PCNT: variants seen among roughly 807,000 people sequenced by gnomAD.
PCNT encodes pericentrin.
PCNT carries 319 observed loss-of-function variants against 380.4 expected under a neutral mutation model. That is an observed-to-expected ratio of 0.84 (90% CI 0.77 to 0.92). The LOEUF (loss-of-function observed/expected upper bound fraction) is 0.92, where lower values mean the gene tolerates loss of function less well. PCNT is among the 40% of genes least tolerant of loss of function. The pLI is 0.00. For missense variants in PCNT, 4,400 were observed against 4,255.3 expected (o/e 1.03, Z -0.95); for synonymous variants, 1,845 against 1,735.2 (o/e 1.06, Z -1.57).
At chr21:46,413,194 C>T (rs1418438501) in intron 29 of PCNT, among the ~76,000 whole-genome samples, 255 of 111,714 alleles carry the variant, frequency 2.3e-3, no homozygotes, top group African/African-American at 3.1e-3. Context: ...GGGGAAGGCA[C>T]GAGGCCCACC....
At chr21:46,378,924 A>C (rs796433753) in intron 15 of PCNT, among the ~76,000 whole-genome samples, 20 of 152,154 alleles carry the variant, frequency 1.3e-4, no homozygotes, top group African/African-American at 4.6e-4. Flanking sequence ...AACCAGGAGG[A>C]AGAAGAATTG....
intron 31 of PCNT, among the ~76,000 whole-genome samples, chr21:46,418,862 G>A (rs935386933): frequency 6.6e-6 from 1 of 152,238 alleles, no homozygotes; most frequent in Non-Finnish European, 1.5e-5. Context: ...GCGTCTCCCC[G>A]GACCTCGTGG....
intron 20 of PCNT, 98 bp from the exon 21 acceptor site, chr21:46,391,066 T>C: frequency 7.9e-7 from 1 of 1,265,712 alleles, no homozygotes; most frequent in Non-Finnish European, 1.1e-6. Flanking sequence ...TTAGCTCTGC[T>C]GCTCTCAGGG....
intron 40 of PCNT, among the ~76,000 whole-genome samples, chr21:46,437,945 G>A (rs1424211238): frequency 2.6e-5 from 4 of 152,324 alleles, no homozygotes; most frequent in South Asian, 2.1e-4. Flanking sequence ...AACCAAACGG[G>A]CTATGCTTTG....
At chr21:46,421,797 A>G (rs1450001144) in intron 31 of PCNT, among the ~76,000 whole-genome samples, 173 bp from the exon 32 acceptor site, 2 of 152,186 alleles carry the variant, frequency 1.3e-5, no homozygotes, top group African/African-American at 2.4e-5. Flanking sequence ...CACCAGGGTT[A>G]TGTTTTTATG....
intron 17 of PCNT, among the ~76,000 whole-genome samples, chr21:46,386,520 C>G (rs998551682): frequency 2.0e-5 from 3 of 152,246 alleles, no homozygotes; most frequent in Non-Finnish European, 4.4e-5. Flanking sequence ...GCTGAGCGCC[C>G]AGCCCCGAGG....
At chr21:46,340,093 A>C (rs1445654282) in intron 3 of PCNT, among the ~76,000 whole-genome samples, 5 of 152,202 alleles carry the variant, frequency 3.3e-5, no homozygotes, top group Admixed American at 6.5e-5. Flanking sequence ...GAGGCCTCAC[A>C]GTCATGGTGG....
chr21:46,371,214 C>CTT (rs924903931), intron 15 of PCNT, among the ~76,000 whole-genome samples: 11 of 136,802 alleles, frequency 8.0e-5, no homozygotes, highest in Middle Eastern at 3.5e-3. Flanking sequence ...TTCTTTCTTT[C>CTT]TTTTTTTTTT....
At chr21:46,360,900 T>C (rs937538719) in intron 13 of PCNT, among the ~76,000 whole-genome samples, 2 of 152,198 alleles carry the variant, frequency 1.3e-5, no homozygotes, top group Non-Finnish European at 2.9e-5. Context: ...AGGTAATTAC[T>C]GGTGTGGTTG....
chr21:46,397,111 C>T (rs922089945), intron 21 of PCNT, among the ~76,000 whole-genome samples, 154 bp from the exon 22 acceptor site: 2 of 152,144 alleles, frequency 1.3e-5, no homozygotes, highest in African/African-American at 4.8e-5. Flanking sequence ...TTGCTTTAGC[C>T]AATGTTGTTT....
rs143446598 is a variant in PCNT, at chr21:46,341,250, G to A, written c.640-4878G>A. ...GGATCACTATTATTTTGGGTCTGCC[G>A]TGGGTGCCACTTCTCAGGATCTTTT... On this transcript the variant is annotated intron_variant, in intron 3 of 46. Coordinates refer to ENST00000359568, the MANE Select transcript of PCNT (RefSeq NM_006031.6). 3.1e-3 allele frequency among the ~76,000 whole-genome samples: 468 copies of A among 152,192 alleles called. 2 individuals are homozygous for A. The highest frequency in any genetic ancestry group is 6.8e-3 in the Middle Eastern group (2 of 294).
rs749527537 is a variant in PCNT at position 46,363,575 on chromosome 21, G to A, written c.2250G>A (p.Thr750=). The change falls in exon 14 of 47, where the codon ACG becomes ACA. Residue 750 remains threonine (T), a synonymous_variant. Transcript: ENST00000359568. ...LMKQEFQRKE[T]DWKVMKEELQ... ...AACAGGAATTCCAAAGAAAAGAAAC[G>A]GACTGGAAAGTTATGAAGGAGGAGC... 32 of 1,614,024 alleles carry A rather than the reference G, an allele frequency of 2.0e-5. 1 individual carries two copies. The South Asian group carries it at 2.5e-4, about 13-fold the overall frequency.
At chr21:46,414,737 T>C (rs2086949006) in intron 29 of PCNT, among the ~76,000 whole-genome samples, 1 of 80,884 alleles carries the variant, frequency 1.2e-5, no homozygotes, top group African/African-American at 4.2e-5. Context: ...CTGCCCACCC[T>C]CCTCCTCCTG....
At chr21:46,419,459 C>G (rs1261501550) in intron 31 of PCNT, among the ~76,000 whole-genome samples, 1 of 152,238 alleles carries the variant, frequency 6.6e-6, no homozygotes, top group Non-Finnish European at 1.5e-5. Flanking sequence ...CCCTCCTAGC[C>G]CCTCGCCACA....
intron 15 of PCNT, among the ~76,000 whole-genome samples, chr21:46,367,831 C>T (rs1210342358): frequency 1.2e-5 from 1 of 82,148 alleles, no homozygotes; most frequent in Non-Finnish European, 2.5e-5. Context: ...CCTTGGTCCC[C>T]TCCTTTTATT....
At chr21:46,348,948 G>A (rs977107724) in intron 6 of PCNT, 64 bp from the exon 7 acceptor site, 1 of 1,133,968 alleles carries the variant, frequency 8.8e-7, no homozygotes, top group African/African-American at 1.5e-5. Context: ...TTGACTGTGT[G>A]ATTTAAATTT....
At chr21:46,370,480 G>T (rs916428373) in intron 15 of PCNT, among the ~76,000 whole-genome samples, 3 of 151,798 alleles carry the variant, frequency 2.0e-5, no homozygotes, top group Non-Finnish European at 2.9e-5. Flanking sequence ...GCTGATGATG[G>T]CATAGGGAGG....
chr21:46,334,992 C>T (rs2083686851), intron 3 of PCNT, among the ~76,000 whole-genome samples: 1 of 152,194 alleles, frequency 6.6e-6, no homozygotes, highest in Admixed American at 6.5e-5. Context: ...TCTCTTCATA[C>T]CCTTCTCCCT....
chr21:46,348,942 CTG>C, intron 6 of PCNT, 68 bp from the exon 7 acceptor site: 4 of 1,071,894 alleles, frequency 3.7e-6, no homozygotes, highest in Non-Finnish European at 4.3e-6. Flanking sequence ...GAGGTTTTGA[CTG>C]TGTGATTTAA....
Sources: allele counts gnomAD v4.1 joint callset (sites outside exome capture counted in the v4.1 genomes callset), GRCh38; gene constraint gnomAD v4.1.1; transcripts MANE v1.5; gene names NCBI Gene and HGNC (gene_info 2026-07-23, HGNC 2026-07-21).